PAQR5: variants seen among roughly 807,000 people sequenced by gnomAD.
The protein encoded by PAQR5 is progestin and adipoQ receptor family member 5, also known as membrane progestin receptor gamma.
In PAQR5, 20 loss-of-function variants were observed where a neutral mutation model predicts 34.5. That is an observed-to-expected ratio of 0.58 (90% CI 0.41 to 0.84). The LOEUF is 0.84. Among genes scored for constraint, PAQR5 ranks in the 40% least tolerant of loss-of-function variants. The pLI, the probability that PAQR5 is intolerant of heterozygous loss-of-function variation, is 0.00. For missense variants in PAQR5, 378 were observed against 412.7 expected, an observed-to-expected ratio of 0.92 and a Z score of 0.73; for synonymous variants, 131 against 155.6, an observed-to-expected ratio of 0.84 and a Z score of 1.18.
At chr15:69,327,137 A>G (rs1326568107) in intron 1 of PAQR5, among the ~76,000 whole-genome samples, 2 of 151,698 alleles carry the variant, frequency 1.3e-5, no homozygotes, top group African/African-American at 4.9e-5. Flanking sequence ...GGCATGCACC[A>G]CCACACTTGG....
chr15:69,378,808 C>A (rs2055795324), intron 3 of PAQR5, among the ~76,000 whole-genome samples: 1 of 152,188 alleles, frequency 6.6e-6, no homozygotes, highest in Non-Finnish European at 1.5e-5. Context: ...GGAGACATTT[C>A]TGTTTGTCAC....
chr15:69,372,831 C>T (rs56169310), intron 3 of PAQR5, among the ~76,000 whole-genome samples: 3,439 of 152,212 alleles, frequency 0.023, 133 homozygotes, highest in African/African-American at 0.079. Flanking sequence ...TCTGGATTTT[C>T]GGTGAAATTC....
intron 1 of PAQR5, among the ~76,000 whole-genome samples, chr15:69,324,216 C>T (rs548953264): frequency 5.3e-5 from 8 of 152,200 alleles, no homozygotes; most frequent in African/African-American, 1.9e-4. Context: ...CAACCCCCTG[C>T]CATCCTCACA....
chr15:69,350,542 C>T (rs1303271009), intron 2 of PAQR5, among the ~76,000 whole-genome samples: 2 of 152,128 alleles, frequency 1.3e-5, no homozygotes, highest in Non-Finnish European at 2.9e-5. Flanking sequence ...ACTTTGGAGG[C>T]TGAGGCGCAA....
chr15:69,381,825 C>A (rs2055891707), intron 4 of PAQR5, among the ~76,000 whole-genome samples: 1 of 152,214 alleles, frequency 6.6e-6, no homozygotes, highest in African/African-American at 2.4e-5. Context: ...AAAAAGTCCA[C>A]AAGTGTAGCT....
chr15:69,323,192 GGCCAAGAGTCT>G (rs1446172554), intron 1 of PAQR5, among the ~76,000 whole-genome samples: 1 of 152,212 alleles, frequency 6.6e-6, no homozygotes, highest in Non-Finnish European at 1.5e-5. Flanking sequence ...CTGTCCACTA[GGCCAAGAGTCT>G]GCCTGGATCT....
chr15:69,354,650 A>G (rs566032123), intron 2 of PAQR5, among the ~76,000 whole-genome samples: 1 of 152,272 alleles, frequency 6.6e-6, no homozygotes, highest in African/African-American at 2.4e-5. Flanking sequence ...GACAGGGGGT[A>G]GACTTGTGAT....
At chr15:69,380,421 G>T (rs753252368) in intron 4 of PAQR5, 1 of 172,492 alleles carries the variant, frequency 5.8e-6, no homozygotes, top group Non-Finnish European at 1.2e-5. Flanking sequence ...GTGATGGTCC[G>T]CACCTCCCCA....
intron 4 of PAQR5, among the ~76,000 whole-genome samples, chr15:69,381,968 G>A (rs879614349): frequency 3.9e-5 from 6 of 152,180 alleles, no homozygotes; most frequent in South Asian, 2.1e-4. Flanking sequence ...CTCTGCAGGC[G>A]GGACCTCATG....
intron 2 of PAQR5, among the ~76,000 whole-genome samples, chr15:69,348,740 C>CGGTA (rs1012531122): frequency 3.5e-5 from 5 of 144,644 alleles, no homozygotes; most frequent in Non-Finnish European, 2.9e-5. Flanking sequence ...ACTCCAGAGA[C>CGGTA]GGTAGGTTTT....
intron 6 of PAQR5, chr15:69,397,248 A>G: frequency 4.4e-6 from 3 of 682,664 alleles, no homozygotes; most frequent in Non-Finnish European, 8.1e-6. Context: ...TGGTCAGGAG[A>G]TGGTGTCCCT....
At chr15:69,382,107 C>A (rs1182115214) in intron 4 of PAQR5, among the ~76,000 whole-genome samples, 1 of 152,140 alleles carries the variant, frequency 6.6e-6, no homozygotes, top group Non-Finnish European at 1.5e-5. Flanking sequence ...AGTGGAGGAA[C>A]AGTGTGGAGG....
chr15:69,400,170 T>C (rs1595951494), intron 8 of PAQR5, 55 bp downstream of exon 8: 2 of 1,537,656 alleles, frequency 1.3e-6, no homozygotes, highest in Non-Finnish European at 1.8e-6. Flanking sequence ...CTGGGGAGGG[T>C]CCTGTCCCTG....
chr15:69,361,460 G>A (rs558552949), intron 3 of PAQR5, among the ~76,000 whole-genome samples: 1 of 152,290 alleles, frequency 6.6e-6, no homozygotes, highest in East Asian at 1.9e-4. Context: ...ACGAGGGAGT[G>A]TATTAGTCCA....
intron 1 of PAQR5, among the ~76,000 whole-genome samples, chr15:69,305,407 G>A (rs1407585762): frequency 6.6e-6 from 1 of 152,110 alleles, no homozygotes; most frequent in Non-Finnish European, 1.5e-5. Context: ...TCAACACGTG[G>A]GGTGTGCAAG....
chr15:69,320,674 C>T (rs919830976), intron 1 of PAQR5, among the ~76,000 whole-genome samples: 17 of 152,168 alleles, frequency 1.1e-4, no homozygotes, highest in Non-Finnish European at 2.4e-4. Flanking sequence ...TACACATTCT[C>T]ATTCTAGTCT....
At chr15:69,360,362 G>C (rs964413942) in intron 3 of PAQR5, among the ~76,000 whole-genome samples, 4 of 152,236 alleles carry the variant, frequency 2.6e-5, no homozygotes, top group Non-Finnish European at 4.4e-5. Context: ...TGCAACATCT[G>C]TGTGTTATCC....
chr15:69,404,990 A>C lies in PAQR5; in HGVS notation c.*1168A>C. 2.5e-6 allele frequency: 1 copy of C among 398,588 alleles called. No individual in the cohort carries two copies. The highest frequency in any genetic ancestry group is 4.4e-6 in the Non-Finnish European group (1 of 226,050). The allele number at this position is 398,588 out of a possible 1,614,324, so 24.7% of individuals were successfully genotyped here. A position where few individuals can be genotyped will look rare whatever the true frequency, so the allele number is the denominator to read the frequency against. On this transcript the variant is annotated 3_prime_UTR_variant, in exon 9 of 9. Coordinates refer to ENST00000395407, the MANE Select transcript of PAQR5 (RefSeq NM_017705.4). ...TGTTACATGTTCCAAAAGGCATTAG[A>C]CCTATCAGCTTTGTTTCGCCTGATC... is the stretch of plus-strand genomic sequence containing the variant.
chr15:69,360,748 A>T (rs1306346454), intron 3 of PAQR5, among the ~76,000 whole-genome samples: 1 of 152,196 alleles, frequency 6.6e-6, no homozygotes, highest in Non-Finnish European at 1.5e-5. Context: ...CAAAGGAAAC[A>T]TCATTGTGTT....
Sources: gnomAD v4.1 joint callset for allele counts (sites outside exome capture counted in the v4.1 genomes callset) on GRCh38, gnomAD v4.1.1 for gene constraint, MANE v1.5 for transcripts, NCBI Gene and HGNC (gene_info 2026-07-23, HGNC 2026-07-21) for gene names.